NEK11: variants seen among roughly 807,000 people sequenced by gnomAD.
The protein encoded by NEK11 is NIMA related kinase 11, also known as serine/threonine-protein kinase Nek11.
Under a neutral mutation model 80.7 loss-of-function variants are expected in NEK11, and 72 were observed. That is an observed-to-expected ratio of 0.89 (90% confidence interval 0.74 to 1.08). The LOEUF (loss-of-function observed/expected upper bound fraction) is 1.08, where lower values mean the gene tolerates loss of function less well. NEK11 is among the 50% of genes least tolerant of loss of function. The pLI, the probability that NEK11 is intolerant of heterozygous loss-of-function variation, is 0.00. For missense variants in NEK11, 764 were observed against 763.6 expected (o/e 1.00, Z -0.01); for synonymous variants, 251 against 260.7 (o/e 0.96, Z 0.36).
chr3:131,158,057 C>T (rs1207864887), intron 10 of NEK11, among the ~76,000 whole-genome samples: 1 of 152,078 alleles, frequency 6.6e-6, no homozygotes, highest in Non-Finnish European at 1.5e-5. Context: ...TTGAACTCTG[C>T]AGGCAGTCTT....
intron 14 of NEK11, among the ~76,000 whole-genome samples, chr3:131,206,575 A>G (rs1246460042): frequency 6.6e-6 from 1 of 152,236 alleles, no homozygotes; most frequent in Non-Finnish European, 1.5e-5. Context: ...CTATCACACA[A>G]GCAAAAATTA....
intron 15 of NEK11, among the ~76,000 whole-genome samples, chr3:131,241,746 C>T (rs1206849525): frequency 2.0e-5 from 3 of 151,668 alleles, no homozygotes; most frequent in Non-Finnish European, 4.4e-5. Flanking sequence ...ATAGTATAAT[C>T]TCAAATATCT....
chr3:131,076,993 A>G (rs1390063714), intron 3 of NEK11, among the ~76,000 whole-genome samples: 2 of 152,228 alleles, frequency 1.3e-5, no homozygotes, highest in East Asian at 1.9e-4. Flanking sequence ...TAATATCTCA[A>G]AGATATCATC....
Position 131,048,048 on chromosome 3 carries a change from G to A in NEK11, c.170+18170G>A, listed in dbSNP as rs1463950748. On this transcript the variant is annotated intron_variant, in intron 3 of 17. Transcript: ENST00000383366. ...CTCTGCTGCATCATGCAGGTCACCA[G>A]GGAAGTGGGAGAAAACTGGCAGTTA... 3.9e-5 allele frequency among the ~76,000 whole-genome samples: 6 copies of A among 152,096 alleles called. No homozygotes were observed. In the East Asian group the frequency reaches 1.2e-3, roughly 29 times the overall value.
chr3:131,092,420 C>G (rs1560359228), intron 4 of NEK11, among the ~76,000 whole-genome samples: 1 of 151,872 alleles, frequency 6.6e-6, no homozygotes, highest in Non-Finnish European at 1.5e-5. Flanking sequence ...CACCATGAAC[C>G]AAAACAATTA....
At position 131,243,068 on chromosome 3, in the gene NEK11, T is replaced by C. The variant is rs1161424909; in HGVS notation, c.1561-368T>C. The stretch of plus-strand genomic sequence containing the variant: ...TTGTAAATTGAATAAAATATTTCTT[T>C]TATTCTAATAGCATTTACTATGTTT... On this transcript the variant is annotated intron_variant, in intron 15 of 17. Transcript: ENST00000383366. Among the ~76,000 whole-genome samples the C allele has an allele frequency of 2.6e-5, 4 of 152,090 alleles. No homozygotes were observed. In the East Asian group the frequency reaches 5.8e-4, roughly 22 times the overall value.
chr3:131,225,886 A>G (rs1256565719), intron 14 of NEK11, among the ~76,000 whole-genome samples: 1 of 152,262 alleles, frequency 6.6e-6, no homozygotes, highest in Non-Finnish European at 1.5e-5. Context: ...AGATATTTAT[A>G]AACATACATA....
At chr3:131,034,101 A>T (rs968759741) in intron 3 of NEK11, among the ~76,000 whole-genome samples, 1 of 152,194 alleles carries the variant, frequency 6.6e-6, no homozygotes, top group East Asian at 1.9e-4. Flanking sequence ...AAAAAATCAA[A>T]CCCAAAAGAT....
chr3:131,218,737 C>T (rs529505679), intron 14 of NEK11, among the ~76,000 whole-genome samples: 2 of 152,292 alleles, frequency 1.3e-5, no homozygotes, highest in South Asian at 4.1e-4. Context: ...TTTCAATGAT[C>T]GCCATTCTAA....
chr3:131,132,353 G>A (rs952643426), intron 5 of NEK11, among the ~76,000 whole-genome samples: 4 of 151,728 alleles, frequency 2.6e-5, no homozygotes, highest in African/African-American at 7.3e-5. Context: ...CATCAACAAC[G>A]TTATTATTTT....
At chr3:131,303,422 T>A (rs79272611) in intron 17 of NEK11, among the ~76,000 whole-genome samples, 15,457 of 152,228 alleles carry the variant, frequency 0.1, 872 homozygotes, top group African/African-American at 0.12. Flanking sequence ...TTTTATAGTG[T>A]CAACGGTCTA....
At chr3:131,329,031 G>C (rs2097025786) in intron 17 of NEK11, 1 of 152,196 alleles carries the variant, frequency 6.6e-6, no homozygotes, top group Admixed American at 6.5e-5. Flanking sequence ...TGTGAAAGAA[G>C]ACAGGCAGAA....
At chr3:131,300,397 G>T (rs2096648101) in intron 17 of NEK11, among the ~76,000 whole-genome samples, 1 of 152,014 alleles carries the variant, frequency 6.6e-6, no homozygotes, top group South Asian at 2.1e-4. Flanking sequence ...AGTTTCATTT[G>T]TCAATTTTTG....
chr3:131,212,841 T>G (rs2150548687), intron 14 of NEK11, among the ~76,000 whole-genome samples: 1 of 152,314 alleles, frequency 6.6e-6, no homozygotes, highest in East Asian at 1.9e-4. Context: ...GCCATGGTAG[T>G]TTGGTCCATC....
At chr3:131,322,253 CCA>C (rs1229670117) in intron 17 of NEK11, among the ~76,000 whole-genome samples, 1 of 152,120 alleles carries the variant, frequency 6.6e-6, no homozygotes, top group Non-Finnish European at 1.5e-5. Flanking sequence ...AAACCAGATA[CCA>C]CATGTTGTCA....
intron 17 of NEK11, among the ~76,000 whole-genome samples, chr3:131,291,365 A>G (rs114365527): frequency 9.2e-5 from 14 of 152,164 alleles, no homozygotes; most frequent in African/African-American, 3.4e-4. Context: ...AGTTTTGACA[A>G]CTATAAATAA....
intron 4 of NEK11, among the ~76,000 whole-genome samples, chr3:131,101,204 G>A (rs1032952240): frequency 1.3e-5 from 2 of 151,924 alleles, no homozygotes; most frequent in Non-Finnish European, 2.9e-5. Flanking sequence ...CTGACCTTTT[G>A]TATAGATTTT....
intron 14 of NEK11, among the ~76,000 whole-genome samples, chr3:131,214,695 A>ATGTGTGTG (rs57370577): frequency 0.066 from 9,782 of 147,574 alleles, 620 homozygotes; most frequent in East Asian, 0.34. Context: ...ATGTGCGTGC[A>ATGTGTGTG]TGTGTGTGTG....
intron 5 of NEK11, among the ~76,000 whole-genome samples, chr3:131,132,175 G>A (rs1578815785): frequency 6.6e-6 from 1 of 151,630 alleles, no homozygotes; most frequent in Non-Finnish European, 1.5e-5. Context: ...GCTCAACTGT[G>A]CATATATGAA....
Sources: allele counts gnomAD v4.1 joint callset (sites outside exome capture counted in the v4.1 genomes callset), GRCh38; gene constraint gnomAD v4.1.1; transcripts MANE v1.5; gene names NCBI Gene and HGNC (gene_info 2026-07-23, HGNC 2026-07-21).